TDRD6: variants seen among roughly 807,000 people sequenced by gnomAD.
The protein encoded by TDRD6 is tudor domain containing 6.
A neutral mutation model predicts 157.5 loss-of-function variants in TDRD6; 186 were observed. The observed-to-expected ratio is 1.18, with a 90% CI of 1.05 to 1.33. The LOEUF (loss-of-function observed/expected upper bound fraction) is 1.33, where lower values mean the gene tolerates loss of function less well. TDRD6 is among the 40% of genes most tolerant of loss of function. TDRD6 has a pLI of 0.00. For synonymous variants in TDRD6, 1,075 were observed against 945.2 expected (o/e 1.14, Z -2.52); for missense variants, 3,066 against 2,508.0 (o/e 1.22, Z -4.75).
Position 46,691,631 on chromosome 6 carries a change from AAG to A in TDRD6, c.3505_3506del (p.Glu1169LysfsTer2). ...AGTTACAAAGATAGAATAAGAAAAA[AAG>A]AAAGTGAAGTCCTCTGTTCTACAAC... On this transcript the variant is annotated frameshift_variant, in exon 1 of 4. Coordinates refer to ENST00000316081, the MANE Select transcript of TDRD6 (RefSeq NM_001010870.3). LOFTEE classifies it high-confidence loss of function. The A allele has an allele frequency of 6.2e-7, 1 of 1,613,348 alleles. No individual in the cohort carries two copies. Among genetic ancestry groups the A allele is most frequent in the African/African-American group, 1.3e-5 (1 of 75,014 alleles).
the TDRD6 span, among the ~76,000 whole-genome samples, chr6:46,681,142 C>A: frequency 6.6e-6 from 1 of 152,200 alleles, no homozygotes; most frequent in Non-Finnish European, 1.5e-5. Context: ...CATTTATACA[C>A]ATGATTAAAT....
upstream of TDRD6, among the ~76,000 whole-genome samples, chr6:46,684,993 T>C (rs1228307127): frequency 1.3e-5 from 2 of 151,640 alleles, no homozygotes; most frequent in Non-Finnish European, 2.9e-5. Context: ...TACCATGGCA[T>C]GTGGTGATAT....
chr6:46,700,714 C>G (rs1764604002), intron 3 of TDRD6, among the ~76,000 whole-genome samples: 1 of 152,064 alleles, frequency 6.6e-6, no homozygotes, highest in South Asian at 2.1e-4. Context: ...CCCTCCTTCA[C>G]CAATTACCAG....
chr6:46,688,116 C>A lies in TDRD6; in HGVS notation c.-13C>A. On this transcript the variant is annotated 5_prime_UTR_variant, in exon 1 of 4. Coordinates refer to ENST00000316081, the MANE Select transcript of TDRD6 (RefSeq NM_001010870.3). ...TTAATTTCCGGAAGTGGGGGCCGCG[C>A]CGCGCCGTCAAGATGTGCTCGACGC... The A allele has an allele frequency of 6.7e-7, 1 of 1,492,582 alleles. No homozygotes were observed. Among genetic ancestry groups the A allele is most frequent in the Non-Finnish European group, 8.8e-7 (1 of 1,130,772 alleles). The allele number at this position is 1,492,582 out of a possible 1,614,324, so 92.5% of individuals were successfully genotyped here. A position where few individuals can be genotyped will look rare whatever the true frequency, so the allele number is the denominator to read the frequency against.
intron 3 of TDRD6, among the ~76,000 whole-genome samples, chr6:46,700,608 G>T (rs982655612): frequency 6.6e-6 from 1 of 152,104 alleles, no homozygotes; most frequent in Non-Finnish European, 1.5e-5. Context: ...AGGAATATAG[G>T]AGAAATATTT....
At position 46,690,669 on chromosome 6, in the gene TDRD6, C is replaced by T; in HGVS notation, c.2541C>T (p.Val847=). Residue 847 remains valine (V), a synonymous_variant, in exon 1 of 4, where the codon GTC becomes GTT. Transcript: ENST00000316081. Reference sequence around the variant, plus strand: ...GTGGGATACAGTCTGTGGAGCATGTCAATGTAACATTTGTAGATTATGGAG... The same window carrying T: ...GTGGGATACAGTCTGTGGAGCATGTTAATGTAACATTTGTAGATTATGGAG... ...LISGIQSVEH[V]NVTFVDYGDR... 1 of 1,614,098 alleles carries T rather than the reference C, an allele frequency of 6.2e-7. No homozygotes were observed. The highest frequency in any genetic ancestry group is 8.5e-7 in the Non-Finnish European group (1 of 1,180,000).
In TDRD6 at chr6:46,688,411, C is replaced by T. The variant is rs1461986730; in HGVS notation, c.283C>T (p.Arg95Cys). The T allele has an allele frequency of 1.8e-5, 28 of 1,539,212 alleles. No individual in the cohort carries two copies. The highest frequency in any genetic ancestry group is 7.4e-5 in the East Asian group (3 of 40,814). ...GGTCAGCCGGCAGGCACAGGAGAGC[C>T]GTGTCTTCCTGCTGGACGAGGGCCG... ...RVVSRQAQES[R>C]VFLLDEGRTI... The change falls in exon 1 of 4, where the codon CGT becomes TGT. Residue 95 changes from arginine to cysteine, a missense_variant. Transcript: ENST00000316081.
chr6:46,699,878 A>C (rs1043186388), intron 3 of TDRD6, among the ~76,000 whole-genome samples: 4 of 152,324 alleles, frequency 2.6e-5, no homozygotes, highest in African/African-American at 9.6e-5. Flanking sequence ...GGCCATAAAC[A>C]ATATTTAATA....
At chr6:46,696,801 C>T (rs1179997581) in intron 2 of TDRD6, among the ~76,000 whole-genome samples, 3 of 149,994 alleles carry the variant, frequency 2.0e-5, no homozygotes, top group South Asian at 2.1e-4. Flanking sequence ...TTAGTAGAGA[C>T]GGGGTTTCAC....
In TDRD6 at chr6:46,693,609, G is replaced by A; in HGVS notation, c.5481G>A (p.Lys1827=). Residue 1827 remains lysine (K), a synonymous_variant, in exon 1 of 4, where the codon AAG becomes AAA. Coordinates refer to ENST00000316081, the MANE Select transcript of TDRD6 (RefSeq NM_001010870.3). Reference sequence around the variant, plus strand: ...TACTACCACATGCTAATGAAACAAAGGAGATACTAGAACTGAATTCACTTG... The same window carrying A: ...TACTACCACATGCTAATGAAACAAAAGAGATACTAGAACTGAATTCACTTG... ...NTLLPHANET[K]EILELNSLEV... The A allele has an allele frequency of 6.2e-7, 1 of 1,614,132 alleles. No homozygotes were observed. Among genetic ancestry groups the A allele is most frequent in the Non-Finnish European group, 8.5e-7 (1 of 1,180,018 alleles).
In TDRD6 at chr6:46,697,998, G is replaced by C; in HGVS notation, c.6172G>C (p.Val2058Leu). 6.3e-7 allele frequency: 1 copy of C among 1,588,400 alleles called. No individual in the cohort carries two copies. The highest frequency in any genetic ancestry group is 8.6e-7 in the Non-Finnish European group (1 of 1,165,378). ...TAAAAAAATTTGTTTTCTCCTGTAGGTTTTGAACCTTTCAAATGGTATGGA... is the reference window on the plus strand; with the variant it reads ...TAAAAAAATTTGTTTTCTCCTGTAGCTTTTGAACCTTTCAAATGGTATGGA... ...ILETAEEGTR[V>L]LNLSNGMEEI... The change falls in exon 3 of 4, where the codon GTT (valine) becomes CTT (leucine). Residue 2058 changes from valine to leucine, a missense_variant and splice_region_variant. Physicochemically the swap from Val to Leu is conservative, Grantham distance 32. Transcript: ENST00000316081.
intron 2 of TDRD6, among the ~76,000 whole-genome samples, chr6:46,696,488 ATAT>A (rs1431122882): frequency 7.1e-6 from 1 of 141,606 alleles, no homozygotes; most frequent in Non-Finnish European, 1.5e-5. Context: ...ATATATATAT[ATAT>A]ATGTATATGT....
At position 46,691,152 on chromosome 6, in the gene TDRD6, T is replaced by C; in HGVS notation, c.3024T>C (p.Asn1008=). ...CATTTTATTGCCAGCTGGCAAGAAA[T>C]GCAAATATTTTAGAACAGTTGTCAT... The part of the protein sequence containing the change: ...PWTFYCQLAR[N]ANILEQLSCS... Residue 1008 remains asparagine (N), a synonymous_variant, in exon 1 of 4, where the codon AAT becomes AAC. Transcript: ENST00000316081. 1 of 1,613,738 alleles carries C rather than the reference T, an allele frequency of 6.2e-7. No homozygotes were observed. The highest frequency in any genetic ancestry group is 1.1e-5 in the South Asian group (1 of 90,998).
chr6:46,683,775 G>A (rs559727165), upstream of TDRD6, among the ~76,000 whole-genome samples: 23 of 151,812 alleles, frequency 1.5e-4, no homozygotes, highest in Non-Finnish European at 2.7e-4. Context: ...GGCTCATTTC[G>A]TCTTCATATT....
In TDRD6 at chr6:46,691,892, C is replaced by T. The variant is rs759855378; in HGVS notation, c.3764C>T (p.Thr1255Ile). 1 of 1,594,024 alleles carries T rather than the reference C, an allele frequency of 6.3e-7. No individual in the cohort carries two copies. Among genetic ancestry groups the T allele is most frequent in the Non-Finnish European group, 8.5e-7 (1 of 1,174,658 alleles). Residue 1255 changes from threonine to isoleucine, a missense_variant, in exon 1 of 4, where the codon ACA (threonine) becomes ATA (isoleucine). By Grantham distance (89) the Thr-to-Ile change is moderately conservative. Coordinates refer to ENST00000316081, the MANE Select transcript of TDRD6 (RefSeq NM_001010870.3). ...NKNSQVFPLT[T>I]EKKEEISAET... ...AATAGTCAAGTGTTTCCATTAACAA[C>T]AGAAAAGAAAGAAGAAATTTCTGCT...
chr6:46,685,136 T>C (rs1217597814), upstream of TDRD6, among the ~76,000 whole-genome samples: 1 of 151,912 alleles, frequency 6.6e-6, no homozygotes, highest in Non-Finnish European at 1.5e-5. Flanking sequence ...TTCAAATTTA[T>C]TTTTTTTACT....
rs763695676 is a variant in TDRD6, at chr6:46,688,166, C to T, written c.38C>T (p.Ser13Leu). The change falls in exon 1 of 4, where the codon TCG (serine) becomes TTG (leucine). Residue 13 changes from serine (S) to leucine (L), a missense_variant. Coordinates refer to ENST00000316081, the MANE Select transcript of TDRD6 (RefSeq NM_001010870.3). ...STPGMPAPGA[S>L]LALRVSFVDV... ...CCCGGAATGCCGGCGCCGGGGGCCT[C>T]GCTGGCCCTGCGGGTGTCCTTCGTG... is the stretch of plus-strand genomic sequence containing the variant. 2 of 1,546,942 alleles carry T rather than the reference C, an allele frequency of 1.3e-6. No individual in the cohort carries two copies. Among genetic ancestry groups the T allele is most frequent in the Non-Finnish European group, 1.7e-6 (2 of 1,152,920 alleles).
Position 46,690,758 on chromosome 6 carries a change from C to G in TDRD6, c.2630C>G (p.Ala877Gly). 3.1e-6 allele frequency: 5 copies of G among 1,614,122 alleles called. No homozygotes were observed. The highest frequency in any genetic ancestry group is 4.2e-6 in the Non-Finnish European group (5 of 1,180,010). Residue 877 changes from alanine to glycine, a missense_variant, in exon 1 of 4, where the codon GCA becomes GGA. Physicochemically the swap from Ala to Gly is moderately conservative, Grantham distance 60 (BLOSUM62 0). Transcript: ENST00000316081. Reference sequence around the variant, plus strand: ...AGTGAAGAATTTCTGAAGGTTAAGGCACAGGCTTTTAGGTGCAGTCTTTAT... The same window carrying G: ...AGTGAAGAATTTCTGAAGGTTAAGGGACAGGCTTTTAGGTGCAGTCTTTAT... ...SISEEFLKVK[A>G]QAFRCSLYNL...
chr6:46,692,750 C>A lies in TDRD6; in HGVS notation c.4622C>A (p.Thr1541Lys). The change falls in exon 1 of 4, where the codon ACG becomes AAG. Residue 1541 changes from threonine (T) to lysine (K), a missense_variant. Thr to Lys is a moderately conservative substitution (Grantham distance 78). Coordinates refer to ENST00000316081, the MANE Select transcript of TDRD6 (RefSeq NM_001010870.3). ...PEYFWCQFAD[T>K]EKLQCLEVEV... ...TACTTTTGGTGTCAGTTTGCTGATA[C>A]GGAGAAACTTCAGTGTTTAGAAGTA... The A allele has an allele frequency of 6.2e-7, 1 of 1,614,088 alleles. No individual in the cohort carries two copies. Among genetic ancestry groups the A allele is most frequent in the Non-Finnish European group, 8.5e-7 (1 of 1,180,016 alleles).
Sources: allele counts gnomAD v4.1 joint callset (sites outside exome capture counted in the v4.1 genomes callset), GRCh38; gene constraint gnomAD v4.1.1; transcripts MANE v1.5; gene names NCBI Gene and HGNC (gene_info 2026-07-23, HGNC 2026-07-21).